Variants in PAXBP1 observed in about 807,000 individuals in gnomAD.
The protein encoded by PAXBP1 is PAX3- and PAX7-binding protein 1.
PAXBP1 carries 44 observed loss-of-function variants against 119.9 expected under a neutral mutation model. The ratio of observed to expected loss-of-function variants is 0.37; its 90% CI spans 0.29 to 0.47. PAXBP1 has a LOEUF of 0.47. Ranked by LOEUF, PAXBP1 falls within the 20% of genes least tolerant of loss-of-function variation. PAXBP1 has a pLI of 0.99. For synonymous variants in PAXBP1, 393 were observed against 406.6 expected, an observed-to-expected ratio of 0.97 and a Z score of 0.40; for missense variants, 898 against 1,134.1, an observed-to-expected ratio of 0.79 and a Z score of 2.99.
chr21:32,769,895 T>C lies in PAXBP1; in HGVS notation c.391A>G (p.Ile131Val). 1 of 1,582,620 alleles carries C rather than the reference T, an allele frequency of 6.3e-7. No homozygotes were observed. The highest frequency in any genetic ancestry group is 8.6e-7 in the Non-Finnish European group (1 of 1,163,392). ...TATTCCTTCTTGAGCAATTTTACTA[T>C]CTTTTTGCTATAACTTGATTTCTTC... ...KVKKSSYSKKIVKLLKKEYKE... is the reference protein window; with the variant it reads ...KVKKSSYSKKVVKLLKKEYKE... Residue 131 changes from isoleucine to valine, a missense_variant, in exon 2 of 18, where the codon ATA (isoleucine) becomes GTA (valine). Transcript: ENST00000331923.
chr21:32,758,933 T>G (rs546421483), intron 7 of PAXBP1, 147 bp downstream of exon 7: 1 of 718,038 alleles, frequency 1.4e-6, no homozygotes, highest in East Asian at 2.6e-5. Flanking sequence ...ACTAATGAAG[T>G]GAAGAAAAAT....
chr21:32,741,613 G>A (rs763085870), intron 15 of PAXBP1: 3 of 747,648 alleles, frequency 4.0e-6, no homozygotes, highest in South Asian at 1.4e-5. Context: ...TGGAATGGGG[G>A]TTTTATGACC....
chr21:32,763,927 C>CA (rs2044194579), intron 3 of PAXBP1, among the ~76,000 whole-genome samples: 1 of 147,360 alleles, frequency 6.8e-6, no homozygotes, highest in Non-Finnish European at 1.5e-5. Context: ...GCGGTGGGTG[C>CA]AGTGAGCTGA....
At chr21:32,738,464 A>G (rs984281390) in intron 15 of PAXBP1, 145 bp from the exon 16 acceptor site, 3 of 663,790 alleles carry the variant, frequency 4.5e-6, no homozygotes, top group East Asian at 3.1e-5. Context: ...AAAGGTACAG[A>G]TATTTCCTAG....
At chr21:32,740,994 T>C (rs1032510116) in intron 15 of PAXBP1, among the ~76,000 whole-genome samples, 3 of 152,174 alleles carry the variant, frequency 2.0e-5, no homozygotes, top group African/African-American at 7.2e-5. Flanking sequence ...AACACTGTCA[T>C]TAGGGAAATG....
At chr21:32,750,114 A>G (rs1254994229) in intron 10 of PAXBP1, among the ~76,000 whole-genome samples, 1 of 152,240 alleles carries the variant, frequency 6.6e-6, no homozygotes, top group African/African-American at 2.4e-5. Flanking sequence ...GCATCTAACA[A>G]AAAGAAAAAA....
Position 32,771,555 on chromosome 21 carries a change from C to T in PAXBP1, c.114G>A (p.Thr38=). Residue 38 remains threonine, a synonymous_variant, in exon 1 of 18, where the codon ACG becomes ACA. Transcript: ENST00000331923. ...EPPPLLPPPG[T]GEEAGPGGGD... is the part of the protein sequence containing the mutation. ...CGCCACCGGGGCCCGCCTCTTCGCCCGTGCCCGGCGGCGGCAACAACGGCG... is the reference window on the plus strand; with the variant it reads ...CGCCACCGGGGCCCGCCTCTTCGCCTGTGCCCGGCGGCGGCAACAACGGCG... 3.5e-6 allele frequency: 5 copies of T among 1,415,318 alleles called. No homozygotes were observed. The highest frequency in any genetic ancestry group is 4.6e-6 in the Non-Finnish European group (5 of 1,087,920). The allele number at this position is 1,415,318 out of a possible 1,614,324, so 87.7% of individuals were successfully genotyped here.
intron 16 of PAXBP1, 42 bp from the exon 17 acceptor site, chr21:32,737,450 ATAAAT>A: frequency 1.3e-6 from 2 of 1,538,678 alleles, no homozygotes; most frequent in Non-Finnish European, 1.8e-6. Context: ...TTAAGACAGA[ATAAAT>A]TAAAGTATTA....
chr21:32,770,082 G>T, intron 1 of PAXBP1, 140 bp from the exon 2 acceptor site: 1 of 618,404 alleles, frequency 1.6e-6, no homozygotes, highest in Non-Finnish European at 2.6e-6. Context: ...ATTATTTCAA[G>T]TCTGTCACAG....
chr21:32,771,224 T>C (rs2044337527), intron 1 of PAXBP1, 102 bp downstream of exon 1: 2 of 1,135,074 alleles, frequency 1.8e-6, no homozygotes, highest in Non-Finnish European at 1.2e-6. Flanking sequence ...GGGACTCCGT[T>C]CCAGGGCTCC....
At chr21:32,744,277 GAAAA>G (rs1328463759) in intron 13 of PAXBP1, among the ~76,000 whole-genome samples, 1 of 107,274 alleles carries the variant, frequency 9.3e-6, no homozygotes, top group Non-Finnish European at 2.0e-5. Context: ...AAAAAAAAAA[GAAAA>G]AAAAAAAGGA....
rs143382738 is a variant in PAXBP1 at position 32,737,271 on chromosome 21, C to T, written c.2619G>A (p.Val873=). Residue 873 remains valine (V), a synonymous_variant, in exon 17 of 18, where the codon GTG becomes GTA. Coordinates refer to ENST00000331923, the MANE Select transcript of PAXBP1 (RefSeq NM_016631.4). ...IYRNSIGCSD[V]EKRNARENIK... ...AAAATTACCTTGCATTTCTTTTTTC[C>T]ACATCAGAACACCCGATACTATTTC... 2,115 of 1,523,764 alleles carry T rather than the reference C, an allele frequency of 1.4e-3. 35 individuals are homozygous for T. In the South Asian group the frequency reaches 0.019, roughly 14 times the overall value. The allele number at this position is 1,523,764 out of a possible 1,614,324, so 94.4% of individuals were successfully genotyped here.
chr21:32,745,037 G>T (rs964981521), intron 12 of PAXBP1, 124 bp from the exon 13 acceptor site: 1 of 1,052,668 alleles, frequency 9.5e-7, no homozygotes, highest in Non-Finnish European at 1.4e-6. Flanking sequence ...ATAAGCTTTA[G>T]TCTTCTTTGT....
intron 10 of PAXBP1, among the ~76,000 whole-genome samples, chr21:32,749,790 C>T (rs540692555): frequency 9.9e-5 from 15 of 152,214 alleles, no homozygotes; most frequent in African/African-American, 3.6e-4. Flanking sequence ...AGGAAACATA[C>T]AGACCAGTCT....
chr21:32,767,231 G>A (rs2044256215), intron 2 of PAXBP1, among the ~76,000 whole-genome samples: 1 of 152,210 alleles, frequency 6.6e-6, no homozygotes. Context: ...TTATTTTGAA[G>A]TTAATTGTCT....
At chr21:32,745,098 T>C (rs1412884908) in intron 12 of PAXBP1, among the ~76,000 whole-genome samples, 185 bp from the exon 13 acceptor site, 1 of 152,204 alleles carries the variant, frequency 6.6e-6, no homozygotes, top group East Asian at 1.9e-4. Context: ...AGAGGATAGA[T>C]TATTCTTATT....
intron 11 of PAXBP1, among the ~76,000 whole-genome samples, chr21:32,747,784 CCTT>C (rs923509014): frequency 2.7e-4 from 41 of 151,846 alleles, no homozygotes; most frequent in Admixed American, 2.3e-3. Flanking sequence ...GATTCCACCT[CCTT>C]ATCTTTTTTT....
rs368791115 is a variant in PAXBP1 at position 32,745,711 on chromosome 21, C to T, written c.1931G>A (p.Cys644Tyr). Reference protein sequence around the residue: ...LLTWTPLEAKCRDFENMLWFE... With the variant: ...LLTWTPLEAKYRDFENMLWFE... ...CCACAGCATATTCTCAAAGTCACGA[C>T]ATTTTGCCTAAAAGACATTTAAAAG... Residue 644 changes from cysteine to tyrosine, a missense_variant, in exon 12 of 18, where the codon TGT becomes TAT. This residue lies in a region of PAXBP1 where 599 missense variants were observed against 852.7 expected (regional missense o/e 0.70). Coordinates refer to ENST00000331923, the MANE Select transcript of PAXBP1 (RefSeq NM_016631.4). 8.1e-6 allele frequency: 13 copies of T among 1,613,674 alleles called. No individual in the cohort carries two copies. The highest frequency in any genetic ancestry group is 1.1e-5 in the South Asian group (1 of 91,060).
chr21:32,736,361 G>C (rs1016031097), intron 17 of PAXBP1, among the ~76,000 whole-genome samples: 1 of 151,788 alleles, frequency 6.6e-6, no homozygotes, highest in Non-Finnish European at 1.5e-5. Flanking sequence ...GCTAATTTTT[G>C]TATTTTTAGT....
Sources: gnomAD v4.1 joint callset for allele counts (sites outside exome capture counted in the v4.1 genomes callset) on GRCh38, gnomAD v4.1.1 for gene constraint, gnomAD v4.1.1 regional missense constraint, MANE v1.5 for transcripts, NCBI Gene and HGNC (gene_info 2026-07-23, HGNC 2026-07-21) for gene names.